Variants in FAM169A observed in about 807,000 individuals in gnomAD.
FAM169A encodes the protein soluble lamin-associated protein of 75 kDa.
Under a neutral mutation model 75.7 loss-of-function variants are expected in FAM169A, and 24 were observed. That is an observed-to-expected ratio of 0.32 (90% CI 0.23 to 0.45). The LOEUF (loss-of-function observed/expected upper bound fraction) is 0.45, where lower values mean the gene tolerates loss of function less well. FAM169A is among the 20% of genes least tolerant of loss of function. The probability of loss-of-function intolerance (pLI) is 1.00; values close to 1 mark genes in which losing one functional copy is unlikely to be tolerated. For synonymous variants in FAM169A, 271 were observed against 271.0 expected (o/e 1.00, Z 0.00); for missense variants, 673 against 784.0 (o/e 0.86, Z 1.69).
At chr5:74,846,427 T>C (rs571430085) in intron 1 of FAM169A, among the ~76,000 whole-genome samples, 108 of 152,310 alleles carry the variant, frequency 7.1e-4, no homozygotes, top group Non-Finnish European at 1.1e-3. Flanking sequence ...ACATAAGAGT[T>C]TGATAGAACA....
Position 74,781,893 on chromosome 5 carries a change from G to C in FAM169A, c.1580C>G (p.Ser527Ter). ...ATTTGACATAGTAGCAACATTGTCT[G>C]AACTCCCAAGATGTGCTTTCTTTCT... ...LPRKKAHLGS[S>*]DNVATMSNEE... The change falls in exon 13 of 13, where the codon TCA becomes TGA. Residue 527 changes from serine (S) to a stop codon, truncating the protein, a stop_gained. Transcript: ENST00000687041. LOFTEE classifies it high-confidence loss of function. The C allele has an allele frequency of 6.2e-7, 1 of 1,614,006 alleles. No individual in the cohort carries two copies. The highest frequency in any genetic ancestry group is 8.5e-7 in the Non-Finnish European group (1 of 1,179,916).
In FAM169A at chr5:74,782,926, C is replaced by G. The variant is rs766324727; in HGVS notation, c.1464+5G>C. The G allele has an allele frequency of 6.2e-7, 1 of 1,606,594 alleles. No homozygotes were observed. On this transcript the variant is annotated splice_donor_5th_base_variant and intron_variant, in intron 12 of 12. Coordinates refer to ENST00000687041, the MANE Select transcript of FAM169A (RefSeq NM_001376049.1). ...TTATTAAAAAATAGCTCATTGCCCC[C>G]TTACCTTATCTGGTGCATCTACCTC...
At chr5:74,815,081 T>C (rs966658848) in intron 5 of FAM169A, among the ~76,000 whole-genome samples, 4 of 152,232 alleles carry the variant, frequency 2.6e-5, no homozygotes, top group Admixed American at 6.5e-5. Flanking sequence ...TATGACTGAA[T>C]TGGATTACTT....
chr5:74,837,946 C>T lies in FAM169A; in HGVS notation c.318+1019G>A, dbSNP rs560693286. On this transcript the variant is annotated intron_variant, in intron 4 of 12. Coordinates refer to ENST00000687041, the MANE Select transcript of FAM169A (RefSeq NM_001376049.1). ...CAGCCTGACCAACATGGAGAAACAT[C>T]GTCGCTACTAAAAATACAAAATTAG... Among the ~76,000 whole-genome samples the T allele has an allele frequency of 4.6e-5, 7 of 151,676 alleles. 1 individual carries two copies. The South Asian group carries it at 1.3e-3, about 27-fold the overall frequency.
At chr5:74,801,873 C>A (rs1307703069) in intron 8 of FAM169A, among the ~76,000 whole-genome samples, 2 of 152,146 alleles carry the variant, frequency 1.3e-5, no homozygotes, top group Non-Finnish European at 2.9e-5. Flanking sequence ...TGTCCTCAGC[C>A]ACCTTCTCTG....
intron 8 of FAM169A, among the ~76,000 whole-genome samples, chr5:74,803,215 C>A (rs564461386): frequency 6.6e-6 from 1 of 152,118 alleles, no homozygotes; most frequent in African/African-American, 2.4e-5. Flanking sequence ...TAAAGTAAAT[C>A]ATTGCTCTCG....
At chr5:74,812,161 T>C (rs1747228811) in intron 6 of FAM169A, among the ~76,000 whole-genome samples, 1 of 152,194 alleles carries the variant, frequency 6.6e-6, no homozygotes, top group Non-Finnish European at 1.5e-5. Flanking sequence ...TCTCAATTTG[T>C]CACCCAGGCT....
intron 1 of FAM169A, among the ~76,000 whole-genome samples, chr5:74,858,502 T>C (rs1403476235): frequency 1.3e-5 from 2 of 152,156 alleles, no homozygotes. Flanking sequence ...GAATACCACA[T>C]GTTCTCACTT....
chr5:74,800,592 A>G (rs1170573052), intron 10 of FAM169A, among the ~76,000 whole-genome samples: 2 of 152,242 alleles, frequency 1.3e-5, no homozygotes, highest in Non-Finnish European at 2.9e-5. Flanking sequence ...GGCAACACTT[A>G]GCACTGATAA....
At chr5:74,857,598 A>C (rs902554894) in intron 1 of FAM169A, among the ~76,000 whole-genome samples, 20 of 149,008 alleles carry the variant, frequency 1.3e-4, no homozygotes, top group Non-Finnish European at 2.8e-4. Context: ...AAAAAAAAAA[A>C]AAAAAACTTC....
intron 4 of FAM169A, among the ~76,000 whole-genome samples, chr5:74,835,483 T>A (rs1748524042): frequency 6.6e-6 from 1 of 150,886 alleles, no homozygotes; most frequent in African/African-American, 2.4e-5. Context: ...ACACCTGTAG[T>A]CCCAGCTATT....
intron 5 of FAM169A, among the ~76,000 whole-genome samples, chr5:74,833,159 G>GT (rs1183072538): frequency 6.6e-6 from 1 of 152,092 alleles, no homozygotes; most frequent in African/African-American, 2.4e-5. Flanking sequence ...TGTCTATCAG[G>GT]TAGGAAACTC....
At chr5:74,853,958 C>T (rs896794361) in intron 1 of FAM169A, among the ~76,000 whole-genome samples, 48 of 150,996 alleles carry the variant, frequency 3.2e-4, no homozygotes, top group African/African-American at 1.0e-3. Flanking sequence ...AAAAAAGAAA[C>T]ATAAAAACTG....
intron 4 of FAM169A, among the ~76,000 whole-genome samples, chr5:74,836,388 A>G (rs1307210250): frequency 6.6e-6 from 1 of 152,184 alleles, no homozygotes; most frequent in African/African-American, 2.4e-5. Flanking sequence ...TGCAGAATTG[A>G]TAAGCATGCC....
chr5:74,848,590 T>A (rs962706276), intron 1 of FAM169A: 1 of 152,196 alleles, frequency 6.6e-6, no homozygotes, highest in African/African-American at 2.4e-5. Context: ...TGGGGTCAGC[T>A]CTGCCGCTAA....
intron 4 of FAM169A, among the ~76,000 whole-genome samples, chr5:74,836,843 G>A (rs1237263041): frequency 6.6e-6 from 1 of 152,012 alleles, no homozygotes; most frequent in Non-Finnish European, 1.5e-5. Flanking sequence ...AGCTACTCGG[G>A]AGGCTAAGGC....
chr5:74,833,726 A>C (rs527356418), intron 5 of FAM169A, among the ~76,000 whole-genome samples: 2 of 152,188 alleles, frequency 1.3e-5, no homozygotes, highest in East Asian at 1.9e-4. Context: ...AAAACAAGGC[A>C]GACTTTGTTC....
chr5:74,801,065 AT>A, intron 9 of FAM169A, 35 bp from the exon 10 acceptor site: 1 of 1,476,030 alleles, frequency 6.8e-7, no homozygotes, highest in Non-Finnish European at 9.0e-7. Context: ...CACTTAATTG[AT>A]TATATATTAA....
chr5:74,840,312 A>C (rs909812127), intron 2 of FAM169A, 139 bp from the exon 3 acceptor site: 1 of 449,138 alleles, frequency 2.2e-6, no homozygotes, highest in Admixed American at 4.1e-5. Flanking sequence ...TCTAGTCTCT[A>C]AAAAAAGAGT....
Sources: allele counts gnomAD v4.1 joint callset (sites outside exome capture counted in the v4.1 genomes callset), GRCh38; gene constraint gnomAD v4.1.1; transcripts MANE v1.5; gene names NCBI Gene and HGNC (gene_info 2026-07-23, HGNC 2026-07-21).